The following LRCH2 variants were observed in gnomAD, a reference collection of about 807,000 sequenced individuals.
LRCH2 encodes the protein leucine-rich repeat and calponin homology domain-containing protein 2.
LRCH2 carries 38 observed loss-of-function variants against 68.9 expected under a neutral mutation model. The ratio of observed to expected loss-of-function variants is 0.55; its 90% CI spans 0.43 to 0.72. LRCH2 has a LOEUF of 0.72. Ranked by LOEUF, LRCH2 falls within the 30% of genes least tolerant of loss-of-function variation. LRCH2 has a pLI of 0.00. For missense variants in LRCH2, 528 were observed against 572.9 expected (o/e 0.92, Z 0.80); for synonymous variants, 191 against 208.1 (o/e 0.92, Z 0.71).
chrX:115,146,636 T>C (rs1465805624), intron 14 of LRCH2, among the ~76,000 whole-genome samples: 1 of 110,103 alleles, frequency 9.1e-6, no homozygotes. Flanking sequence ...TGAAATACAG[T>C]GATTTTATTT....
intron 16 of LRCH2, chrX:115,126,261 A>G (rs1556528031): frequency 9.0e-6 from 1 of 111,708 alleles, no homozygotes; most frequent in African/African-American, 3.2e-5. Context: ...AAGCCACCAG[A>G]GTATTTGATC....
In LRCH2 at chrX:115,112,201, G is replaced by A. The variant is rs1308786507; in HGVS notation, c.*1015C>T. ...TGCTCTCTGAGTATAGCTAAAGGCA[G>A]CACTGATAGAATGCTGCTCAAAGGG... On this transcript the variant is annotated 3_prime_UTR_variant, in exon 21 of 21. Coordinates refer to ENST00000317135, the MANE Select transcript of LRCH2 (RefSeq NM_020871.4). The A allele has an allele frequency of 9.0e-6, 1 of 111,583 alleles. No homozygotes were observed. The highest frequency in any genetic ancestry group is 3.2e-5 in the African/African-American group (1 of 30,820). The allele number at this position is 111,583 out of a possible 1,213,427, so 9.2% of individuals were successfully genotyped here. A position where few individuals can be genotyped will look rare whatever the true frequency, so the allele number is the denominator to read the frequency against.
intron 5 of LRCH2, among the ~76,000 whole-genome samples, chrX:115,175,986 T>C (rs968009351): frequency 1.5e-4 from 17 of 111,877 alleles, no homozygotes; most frequent in African/African-American, 5.2e-4. Flanking sequence ...TCTTAACCTG[T>C]AGGATCTGAT....
chrX:115,202,773 T>G (rs1022926550), intron 1 of LRCH2, among the ~76,000 whole-genome samples: 1 of 111,901 alleles, frequency 8.9e-6, no homozygotes, highest in East Asian at 2.8e-4. Context: ...TACAATGGAA[T>G]AGCTTCCAGG....
chrX:115,165,137 C>T (rs900653261), intron 10 of LRCH2, among the ~76,000 whole-genome samples: 1 of 109,780 alleles, frequency 9.1e-6, no homozygotes, highest in Non-Finnish European at 1.9e-5. Context: ...ATGTATATGA[C>T]GGTATAGTCC....
At chrX:115,159,620 A>G (rs6644196) in intron 11 of LRCH2, among the ~76,000 whole-genome samples, 7,901 of 108,357 alleles carry the variant, frequency 0.073, 294 homozygotes, top group Non-Finnish European at 0.1. Flanking sequence ...GCGTGGTGGC[A>G]GGCGCCTGTA....
chrX:115,208,426 G>C (rs782741378), intron 1 of LRCH2, among the ~76,000 whole-genome samples: 2 of 111,936 alleles, frequency 1.8e-5, no homozygotes, highest in Admixed American at 1.9e-4. Context: ...CTTCCTTCAA[G>C]ACATTCCTTG....
chrX:115,213,322 C>G (rs1314429028), intron 1 of LRCH2, among the ~76,000 whole-genome samples: 1 of 111,379 alleles, frequency 9.0e-6, no homozygotes, highest in African/African-American at 3.3e-5. Context: ...GTAAAATATT[C>G]AAATATCTTA....
At chrX:115,126,431 A>G (rs1556528070) in intron 16 of LRCH2, 1 of 114,752 alleles carries the variant, frequency 8.7e-6, no homozygotes, top group Non-Finnish European at 1.8e-5. Flanking sequence ...ACCAAAGGCC[A>G]TTGCACAATG....
At chrX:115,130,227 AT>A in intron 14 of LRCH2, 28 bp from the exon 15 acceptor site, 1 of 851,703 alleles carries the variant, frequency 1.2e-6, no homozygotes, top group Non-Finnish European at 1.6e-6. Context: ...CACATAATTT[AT>A]TTTCCCTTGA....
At chrX:115,182,934 C>A (rs1556553229) in intron 3 of LRCH2, among the ~76,000 whole-genome samples, 1 of 107,035 alleles carries the variant, frequency 9.3e-6, no homozygotes, top group Admixed American at 1.0e-4. Context: ...ATCTATATTT[C>A]TTCACATGGT....
chrX:115,224,695 A>AG (rs2073107658), intron 1 of LRCH2, among the ~76,000 whole-genome samples: 1 of 109,738 alleles, frequency 9.1e-6, no homozygotes, highest in Admixed American at 9.7e-5. Context: ...AAAAAAAAAA[A>AG]AGAAAAAAGA....
intron 5 of LRCH2, among the ~76,000 whole-genome samples, chrX:115,172,462 A>G (rs2072611680): frequency 8.9e-6 from 1 of 112,223 alleles, no homozygotes; most frequent in African/African-American, 3.2e-5. Context: ...GAACACAGCA[A>G]ATACTATATA....
intron 1 of LRCH2, among the ~76,000 whole-genome samples, chrX:115,216,049 T>G (rs1470437146): frequency 1.8e-5 from 2 of 111,552 alleles, no homozygotes; most frequent in East Asian, 5.6e-4. Context: ...TTATTTAAAA[T>G]AGTAAAAATT....
rs1556549356 is a variant in LRCH2 at position 115,174,604 on chromosome X, CACA to C, written c.865-4175_865-4173del. ...ACACACAAACACACCCCCCCCCCCA[CACA>C]CACACACACACTATATTTTCTTTAT... On this transcript the variant is annotated intron_variant, in intron 5 of 20. Coordinates refer to ENST00000317135, the MANE Select transcript of LRCH2 (RefSeq NM_020871.4). Among the ~76,000 whole-genome samples, 33 of 72,015 alleles carry C rather than the reference CACA, an allele frequency of 4.6e-4. 1 individual carries two copies. The highest frequency in any genetic ancestry group is 1.7e-3 in the African/African-American group (33 of 19,570). 62.5% of individuals were successfully genotyped at this position (72,015 alleles called of 115,157 possible).
intron 1 of LRCH2, among the ~76,000 whole-genome samples, chrX:115,206,496 A>G (rs1242872436): frequency 7.1e-5 from 8 of 112,554 alleles, no homozygotes; most frequent in African/African-American, 2.6e-4. Context: ...AAACAATAGC[A>G]TGAGCGATCT....
At chrX:115,125,735 A>T (rs1181310363) in intron 16 of LRCH2, among the ~76,000 whole-genome samples, 1 of 101,900 alleles carries the variant, frequency 9.8e-6, no homozygotes, top group African/African-American at 3.6e-5. Flanking sequence ...AACACAGATC[A>T]TAAAATCATA....
intron 14 of LRCH2, among the ~76,000 whole-genome samples, chrX:115,143,607 G>A (rs782655706): frequency 1.8e-5 from 2 of 111,083 alleles, no homozygotes; most frequent in Non-Finnish European, 3.8e-5. Flanking sequence ...TGAAGAGGAG[G>A]GAATACTGGC....
chrX:115,227,619 C>T (rs1236067118), intron 1 of LRCH2, among the ~76,000 whole-genome samples: 1 of 107,929 alleles, frequency 9.3e-6, no homozygotes, highest in Non-Finnish European at 1.9e-5. Flanking sequence ...AACCAAGTAG[C>T]TCAAAATACT....
Sources: allele counts gnomAD v4.1 joint callset (sites outside exome capture counted in the v4.1 genomes callset), GRCh38; gene constraint gnomAD v4.1.1; transcripts MANE v1.5; gene names NCBI Gene and HGNC (gene_info 2026-07-23, HGNC 2026-07-21).